KIAA0930: variants seen among roughly 807,000 people sequenced by gnomAD.
The protein encoded by KIAA0930 is KIAA0930, also known as uncharacterized protein KIAA0930.
A neutral mutation model predicts 43.9 loss-of-function variants in KIAA0930; 24 were observed. That is an observed-to-expected ratio of 0.55 (90% CI 0.40 to 0.77). The LOEUF (loss-of-function observed/expected upper bound fraction) is 0.77. KIAA0930 is among the 30% of genes least tolerant of loss of function. The probability of loss-of-function intolerance (pLI) is 0.00; values close to 1 mark genes in which losing one functional copy is unlikely to be tolerated. For missense variants in KIAA0930, 461 were observed against 574.2 expected, an observed-to-expected ratio of 0.80 and a Z score of 2.02; for synonymous variants, 259 against 216.4, an observed-to-expected ratio of 1.20 and a Z score of -1.73.
At position 45,220,426 on chromosome 22, in the gene KIAA0930, C is replaced by T. The variant is rs1417489291; in HGVS notation, c.65-8319G>A. ...TCGAGATCGGGCCACTCCAGCCTGG[C>T]GACAGAGACTCAGTCTCCAAAAAAA... is the stretch of plus-strand genomic sequence containing the variant. On this transcript the variant is annotated intron_variant, in intron 1 of 9. Transcript: ENST00000336156. Among the ~76,000 whole-genome samples the T allele has an allele frequency of 7.9e-5, 12 of 151,376 alleles. 1 individual carries two copies. In the East Asian group the frequency reaches 9.7e-4, roughly 12 times the overall value.
chr22:45,227,088 C>G (rs150540322), intron 1 of KIAA0930, among the ~76,000 whole-genome samples: 2,992 of 152,370 alleles, frequency 0.02, 45 homozygotes, highest in Non-Finnish European at 0.026. Flanking sequence ...AGGCACACAG[C>G]TGGACCCATC....
At chr22:45,202,853 C>T (rs554729459) in intron 7 of KIAA0930, 137 bp downstream of exon 7, 14 of 716,954 alleles carry the variant, frequency 2.0e-5, no homozygotes, top group Admixed American at 3.3e-5. Flanking sequence ...GGCCTCCGCA[C>T]GCTCGGCACC....
chr22:45,236,506 C>T (rs905073622), intron 1 of KIAA0930, among the ~76,000 whole-genome samples: 1 of 152,164 alleles, frequency 6.6e-6, no homozygotes, highest in Non-Finnish European at 1.5e-5. Flanking sequence ...ACGCTGGTGG[C>T]TCCATTCTCT....
chr22:45,213,334 C>A, intron 1 of KIAA0930: 24 of 1,303,736 alleles, frequency 1.8e-5, no homozygotes, highest in Non-Finnish European at 2.4e-5. Flanking sequence ...CTCCCATGCC[C>A]TGCCTGGCTC....
rs12170881 is a variant in KIAA0930, at chr22:45,199,952, G to C, written c.936C>G (p.Pro312=). ...FFSPSLKRKV[P]RNRIAEMKKS... ...TCTTCATCTCAGCGATCCGGTTCCG[G>C]GGCACCTTCCTCTTGAGGGATGGGG... The change falls in exon 8 of 10, where the codon CCC becomes CCG. Residue 312 remains proline (P), a synonymous_variant. Coordinates refer to ENST00000336156, the MANE Select transcript of KIAA0930 (RefSeq NM_001009880.2). 11,001 of 1,610,100 alleles carry C rather than the reference G, an allele frequency of 6.8e-3. 577 individuals carry two copies. The African/African-American group carries it at 0.12, about 18-fold the overall frequency.
At position 45,194,617 on chromosome 22, in the gene KIAA0930, G is replaced by C. The variant is rs1033894539; in HGVS notation, c.*2559C>G. 1.4e-4 allele frequency: 22 copies of C among 152,174 alleles called. No individual in the cohort carries two copies. Among genetic ancestry groups the C allele is most frequent in the African/African-American group, 5.3e-4 (22 of 41,412 alleles). The allele number at this position is 152,174 out of a possible 1,614,324, so 9.4% of individuals were successfully genotyped here. On this transcript the variant is annotated 3_prime_UTR_variant, in exon 10 of 10. Transcript: ENST00000336156. ...GACCCTGGTTCTGGCCCTGCCACTT[G>C]TTACTCTATTACTTTATTCCACATG...
At chr22:45,231,048 A>G (rs1409647519) in intron 1 of KIAA0930, among the ~76,000 whole-genome samples, 2 of 151,866 alleles carry the variant, frequency 1.3e-5, no homozygotes, top group Non-Finnish European at 2.9e-5. Flanking sequence ...CAGGAGTTCA[A>G]GACCAGCCTG....
At chr22:45,218,670 C>G (rs2083748528) in intron 1 of KIAA0930, among the ~76,000 whole-genome samples, 1 of 152,086 alleles carries the variant, frequency 6.6e-6, no homozygotes, top group Non-Finnish European at 1.5e-5. Flanking sequence ...CAACAGAGCC[C>G]ATATCCTTCT....
At position 45,224,759 on chromosome 22, in the gene KIAA0930, C is replaced by T. The variant is rs1490737061; in HGVS notation, c.65-12652G>A. Among the ~76,000 whole-genome samples, 3 of 152,238 alleles carry T rather than the reference C, an allele frequency of 2.0e-5. No homozygotes were observed. In the East Asian group the frequency reaches 5.8e-4, roughly 30 times the overall value. On this transcript the variant is annotated intron_variant, in intron 1 of 9. Transcript: ENST00000336156. ...CAAGCAGGCAAAGGTGGACGGCATT[C>T]AACGCTCCCCTTGGGGGAAGATGAG...
chr22:45,231,910 G>A (rs1320895362), intron 1 of KIAA0930, among the ~76,000 whole-genome samples: 1 of 152,210 alleles, frequency 6.6e-6, no homozygotes, highest in East Asian at 1.9e-4. Context: ...AGAATGGCGT[G>A]AACCTGGGAG....
At chr22:45,211,784 T>G (rs142028538) in intron 2 of KIAA0930, among the ~76,000 whole-genome samples, 172 bp downstream of exon 2, 2 of 152,264 alleles carry the variant, frequency 1.3e-5, no homozygotes, top group African/African-American at 4.8e-5. Flanking sequence ...CATCCAGATT[T>G]GCACATGAGA....
intron 1 of KIAA0930, among the ~76,000 whole-genome samples, chr22:45,228,433 G>C (rs1450151542): frequency 1.3e-5 from 2 of 152,130 alleles, no homozygotes; most frequent in Non-Finnish European, 2.9e-5. Context: ...CAGCCTCCAT[G>C]ACACGCTCTG....
rs192297453 is a variant in KIAA0930 at position 45,215,670 on chromosome 22, C to T, written c.65-3563G>A. 2.5e-3 allele frequency among the ~76,000 whole-genome samples: 381 copies of T among 152,198 alleles called. 2 individuals carry two copies. Among genetic ancestry groups the T allele is most frequent in the African/African-American group, 7.6e-3 (314 of 41,516 alleles). Reference sequence around the variant, plus strand: ...CAGATGCATGGGAATACGTGTAATACGATGTTTAGTGGAAAAGCGGAACCC... The same window carrying T: ...CAGATGCATGGGAATACGTGTAATATGATGTTTAGTGGAAAAGCGGAACCC... On this transcript the variant is annotated intron_variant, in intron 1 of 9. Transcript: ENST00000336156.
At chr22:45,225,672 G>A (rs976972181) in intron 1 of KIAA0930, among the ~76,000 whole-genome samples, 1 of 152,124 alleles carries the variant, frequency 6.6e-6, no homozygotes, top group Non-Finnish European at 1.5e-5. Context: ...CAGCTCAGGG[G>A]CCACCTCCAC....
intron 6 of KIAA0930, among the ~76,000 whole-genome samples, chr22:45,203,643 G>T (rs969930853): frequency 2.0e-5 from 3 of 152,200 alleles, no homozygotes; most frequent in Non-Finnish European, 4.4e-5. Context: ...CAAGTGGCCC[G>T]CATGGGCTGA....
chr22:45,212,401 A>G, intron 1 of KIAA0930: 1 of 1,565,962 alleles, frequency 6.4e-7, no homozygotes, highest in Non-Finnish European at 8.7e-7. Context: ...GCAGCTTCGG[A>G]GGAAAAGGAA....
intron 9 of KIAA0930, 104 bp downstream of exon 9, chr22:45,197,686 A>G: frequency 2.4e-6 from 3 of 1,249,840 alleles, no homozygotes; most frequent in Non-Finnish European, 3.4e-6. Context: ...ACCAACCGAC[A>G]GGACAGGGCG....
chr22:45,218,993 ATAATT>A (rs1301483991), intron 1 of KIAA0930, among the ~76,000 whole-genome samples: 1 of 152,184 alleles, frequency 6.6e-6, no homozygotes, highest in Admixed American at 6.5e-5. Context: ...CCAATTTAAC[ATAATT>A]TAATTATTTT....
chr22:45,211,280 G>C (rs2083690904), intron 2 of KIAA0930: 2 of 397,774 alleles, frequency 5.0e-6, no homozygotes, highest in African/African-American at 2.1e-5. Flanking sequence ...CTGGCATATG[G>C]AGTTGATTAA....
Sources: gnomAD v4.1 joint callset for allele counts (sites outside exome capture counted in the v4.1 genomes callset) on GRCh38, gnomAD v4.1.1 for gene constraint, MANE v1.5 for transcripts, NCBI Gene and HGNC (gene_info 2026-07-23, HGNC 2026-07-21) for gene names.